Variants in CACNA1C observed in about 807,000 individuals in gnomAD.
CACNA1C encodes calcium voltage-gated channel subunit alpha1 C.
In CACNA1C, 30 loss-of-function variants were observed where a neutral mutation model predicts 229.0. The ratio of observed to expected loss-of-function variants is 0.13; its 90% CI spans 0.10 to 0.18. The LOEUF (loss-of-function observed/expected upper bound fraction) is 0.18. Ranked by LOEUF, CACNA1C falls within the 10% of genes least tolerant of loss-of-function variation. The pLI is 1.00. For missense variants in CACNA1C, 1,658 were observed against 2,845.0 expected (o/e 0.58, Z 9.49); for synonymous variants, 1,114 against 1,132.5 (o/e 0.98, Z 0.33).
chr12:2,669,695 A>G (rs1194340687), intron 38 of CACNA1C, among the ~76,000 whole-genome samples: 1 of 152,210 alleles, frequency 6.6e-6, no homozygotes, highest in Middle Eastern at 3.2e-3. Flanking sequence ...CACAGTGACA[A>G]GTGGTGGCCG....
chr12:2,106,302 G>A (rs1288974678), intron 1 of CACNA1C, among the ~76,000 whole-genome samples: 2 of 54,392 alleles, frequency 3.7e-5, no homozygotes, highest in African/African-American at 1.2e-4. Flanking sequence ...CATCTGGGGC[G>A]TCCTGAAGCC....
intron 29 of CACNA1C, among the ~76,000 whole-genome samples, chr12:2,626,509 C>A: frequency 6.6e-6 from 1 of 152,178 alleles, no homozygotes; most frequent in East Asian, 1.9e-4. Context: ...TGTTTCCTGC[C>A]TTCCCTTCTT....
chr12:2,532,397 A>G (rs1599093223), intron 9 of CACNA1C, among the ~76,000 whole-genome samples: 2 of 151,548 alleles, frequency 1.3e-5, no homozygotes, highest in African/African-American at 2.4e-5. Context: ...GTGCTTGGTC[A>G]CTCCCATCTG....
chr12:2,309,571 AATC>A (rs1323227303), intron 3 of CACNA1C, among the ~76,000 whole-genome samples: 1 of 152,172 alleles, frequency 6.6e-6, no homozygotes, highest in African/African-American at 2.4e-5. Context: ...TGTACACATA[AATC>A]ATCATGTTGT....
upstream of CACNA1C, among the ~76,000 whole-genome samples, chr12:2,049,823 T>C (rs2051801382): frequency 2.6e-5 from 4 of 152,176 alleles, no homozygotes; most frequent in Admixed American, 2.6e-4. Flanking sequence ...ATGGTCTCCT[T>C]TTGTCATGTT....
chr12:2,021,879 C>T (rs947939318), intron 1 of CACNA1C, among the ~76,000 whole-genome samples: 1 of 152,180 alleles, frequency 6.6e-6, no homozygotes, highest in Non-Finnish European at 1.5e-5. Context: ...TAAAAGGCTC[C>T]ACCTCCCAAC....
intron 4 of CACNA1C, among the ~76,000 whole-genome samples, chr12:2,455,825 C>G (rs2099414389): frequency 1.3e-5 from 2 of 152,228 alleles, no homozygotes; most frequent in African/African-American, 4.8e-5. Context: ...CCCTGCTCTG[C>G]AAGCCATCCC....
At chr12:2,190,879 C>G (rs2154296949) in intron 3 of CACNA1C, among the ~76,000 whole-genome samples, 1 of 152,296 alleles carries the variant, frequency 6.6e-6, no homozygotes, top group South Asian at 2.1e-4. Flanking sequence ...GGAACCCGCC[C>G]CCTTTTAAAC....
At chr12:2,113,598 G>T (rs566758895) in intron 1 of CACNA1C, among the ~76,000 whole-genome samples, 6 of 152,118 alleles carry the variant, frequency 3.9e-5, no homozygotes, top group South Asian at 2.1e-4. Flanking sequence ...TGGCTGCTTC[G>T]GCCACAGTCT....
chr12:2,546,981 T>A (rs2099882491), intron 9 of CACNA1C, among the ~76,000 whole-genome samples: 1 of 152,158 alleles, frequency 6.6e-6, no homozygotes, highest in African/African-American at 2.4e-5. Flanking sequence ...TTTTGCATTG[T>A]GGTCCCATGT....
intron 3 of CACNA1C, among the ~76,000 whole-genome samples, chr12:2,310,562 T>C (rs1203864465): frequency 6.6e-6 from 1 of 152,100 alleles, no homozygotes; most frequent in Non-Finnish European, 1.5e-5. Context: ...AAATGCAAAG[T>C]ATTTCTCAAG....
At chr12:1,985,655 T>C (rs1282949237) in intron 1 of CACNA1C, among the ~76,000 whole-genome samples, 1 of 152,188 alleles carries the variant, frequency 6.6e-6, no homozygotes, top group Non-Finnish European at 1.5e-5. Context: ...GATTGCACCC[T>C]GGACATTTTT....
rs546356126 is a variant in CACNA1C, at chr12:2,416,175, T to C, written c.478-32801T>C. On this transcript the variant is annotated intron_variant, in intron 3 of 46. Coordinates refer to ENST00000399655, the MANE Select transcript of CACNA1C (RefSeq NM_000719.7). ...AGCTCATCGCTATTTTAGAAAGGTC[T>C]TATTTGTTCACTCATTTACCGTCCT... is the stretch of plus-strand genomic sequence containing the variant. Among the ~76,000 whole-genome samples the C allele has an allele frequency of 2.0e-5, 3 of 152,326 alleles. No individual in the cohort carries two copies. The South Asian group carries it at 6.2e-4, about 32-fold the overall frequency.
intron 1 of CACNA1C, among the ~76,000 whole-genome samples, chr12:1,997,457 T>G (rs1213093812): frequency 7.2e-5 from 11 of 152,188 alleles, no homozygotes; most frequent in Non-Finnish European, 1.5e-5. Flanking sequence ...GAGGCAGAGG[T>G]TGCAGCAAGC....
In CACNA1C at chr12:2,581,578, G is replaced by A. The variant is rs1194454212; in HGVS notation, c.1896-12G>A. On this transcript the variant is annotated splice_polypyrimidine_tract_variant and intron_variant, in intron 13 of 46. Transcript: ENST00000399655. The stretch of plus-strand genomic sequence containing the variant: ...GGGGCAGAGTGCTGACCTCCCTCCT[G>A]TTGGCTCTCAGGTACTGGAACTCCT... 1 of 1,547,322 alleles carries A rather than the reference G, an allele frequency of 6.5e-7. No individual in the cohort carries two copies. The highest frequency in any genetic ancestry group is 1.4e-5 in the African/African-American group (1 of 73,252).
intron 3 of CACNA1C, among the ~76,000 whole-genome samples, chr12:2,187,716 C>T (rs891982490): frequency 1.3e-5 from 2 of 152,344 alleles, no homozygotes; most frequent in African/African-American, 2.4e-5. Flanking sequence ...CCCACAGGGG[C>T]GGCGATTGGT....
rs1000755934 is a variant in CACNA1C, at chr12:2,677,291, C to G, written c.4956+70C>G. 2.0e-6 allele frequency: 3 copies of G among 1,535,072 alleles called. No homozygotes were observed. The highest frequency in any genetic ancestry group is 2.7e-6 in the Non-Finnish European group (3 of 1,130,340). ...ATTGCCTCTGACCTCCAGTCAGGGT[C>G]CCGGTCCCTCCCCAGCAGGCTGGAG... On this transcript the variant is annotated intron_variant, in intron 40 of 46. Transcript: ENST00000399655. The surrounding 1 kb of genome is among the most constrained non-coding windows in gnomAD (Gnocchi z 7.4).
chr12:2,459,631 C>A (rs1214997795), intron 5 of CACNA1C, among the ~76,000 whole-genome samples: 2 of 152,146 alleles, frequency 1.3e-5, no homozygotes, highest in African/African-American at 4.8e-5. Flanking sequence ...GGACCCACTT[C>A]TTTTTGAAGC....
chr12:2,671,259 C>T (rs1042616135), intron 38 of CACNA1C, among the ~76,000 whole-genome samples: 1 of 152,044 alleles, frequency 6.6e-6, no homozygotes, highest in South Asian at 2.1e-4. Context: ...GTGATCTGCC[C>T]GACTGGGCCT....
Sources: gnomAD v4.1 joint callset for allele counts (sites outside exome capture counted in the v4.1 genomes callset) on GRCh38, gnomAD v4.1.1 for gene constraint, Gnocchi (gnomAD v3.1) non-coding constraint, MANE v1.5 for transcripts, NCBI Gene and HGNC (gene_info 2026-07-23, HGNC 2026-07-21) for gene names.